The following MCM3AP variants were observed in gnomAD, a reference collection of about 807,000 sequenced individuals.
The protein encoded by MCM3AP is minichromosome maintenance complex component 3 associated protein.
MCM3AP carries 126 observed loss-of-function variants against 184.1 expected under a neutral mutation model. The ratio of observed to expected loss-of-function variants is 0.68; its 90% CI spans 0.59 to 0.79. The LOEUF (loss-of-function observed/expected upper bound fraction) is 0.79, where lower values mean the gene tolerates loss of function less well. Among genes scored for constraint, MCM3AP ranks in the 30% least tolerant of loss-of-function variants. The pLI, the probability that MCM3AP is intolerant of heterozygous loss-of-function variation, is 0.00. For missense variants in MCM3AP, 2,496 were observed against 2,479.2 expected (o/e 1.01, Z -0.14); for synonymous variants, 1,002 against 979.3 (o/e 1.02, Z -0.43).
chr21:46,271,250 C>G (rs2081174879), intron 8 of MCM3AP, among the ~76,000 whole-genome samples: 1 of 151,876 alleles, frequency 6.6e-6, no homozygotes, highest in African/African-American at 2.4e-5. Flanking sequence ...CAGCTTCAAC[C>G]TCCTGGCCTC....
At chr21:46,237,977 G>A (rs2080577667) in intron 26 of MCM3AP, among the ~76,000 whole-genome samples, 1 of 113,820 alleles carries the variant, frequency 8.8e-6, no homozygotes, top group Non-Finnish European at 1.8e-5. Flanking sequence ...ACACGTGCCT[G>A]TAATCCCAGC....
chr21:46,254,051 C>G, intron 19 of MCM3AP: 1 of 322,536 alleles, frequency 3.1e-6, no homozygotes, highest in Non-Finnish European at 5.8e-6. Flanking sequence ...TCCCCTTAGC[C>G]TTCCACCATG....
intron 17 of MCM3AP, 33 bp downstream of exon 17, chr21:46,256,756 G>A (rs986155007): frequency 1.0e-5 from 16 of 1,534,724 alleles, no homozygotes; most frequent in African/African-American, 1.4e-5. Flanking sequence ...GGGCAGGGGA[G>A]CCCTGACGAG....
rs779027521 is a variant in MCM3AP at position 46,240,927 on chromosome 21, A to G, written c.5517T>C (p.Cys1839=). Reference sequence around the variant, plus strand: ...TGCTGGGAATCCTCCCCTCTTGAGCACACTCTGTGCTCCTCTTCCAGTTAC... The same window carrying G: ...TGCTGGGAATCCTCCCCTCTTGAGCGCACTCTGTGCTCCTCTTCCAGTTAC... The part of the protein sequence containing the change: ...MHRNWKRSTE[C]AQEGRIPSTE... Residue 1839 remains cysteine, a synonymous_variant, in exon 26 of 28, where the codon TGT becomes TGC. Transcript: ENST00000291688. 13 of 1,614,212 alleles carry G rather than the reference A, an allele frequency of 8.1e-6. No homozygotes were observed. Among genetic ancestry groups the G allele is most frequent in the African/African-American group, 1.3e-5 (1 of 75,072 alleles).
intron 8 of MCM3AP, 113 bp from the exon 9 acceptor site, chr21:46,270,676 C>A (rs1392954580): frequency 2.1e-6 from 2 of 940,472 alleles, no homozygotes; most frequent in Non-Finnish European, 3.2e-6. Flanking sequence ...CAGTGGCTCA[C>A]ACCTGTAATC....
rs372854322 is a variant in MCM3AP at position 46,279,980 on chromosome 21, G to C, written c.1667+13C>G. 59 of 1,607,526 alleles carry C rather than the reference G, an allele frequency of 3.7e-5. No homozygotes were observed. The highest frequency in any genetic ancestry group is 4.9e-5 in the Non-Finnish European group (58 of 1,177,782). On this transcript the variant is annotated intron_variant, in intron 4 of 27. Transcript: ENST00000291688. ...CCTTCCGGAATAAGGTCATTAGGAG[G>C]GACCGATCCCACCTTTTATTCAGGA... is the stretch of plus-strand genomic sequence containing the variant.
At chr21:46,254,614 T>A (rs975639748) in intron 18 of MCM3AP, 88 bp from the exon 19 acceptor site, 1 of 1,539,454 alleles carries the variant, frequency 6.5e-7, no homozygotes, top group Admixed American at 1.8e-5. Flanking sequence ...AAGGGGCAGG[T>A]TGGAGGAAAA....
At chr21:46,271,344 T>TTA (rs35277551) in intron 8 of MCM3AP, among the ~76,000 whole-genome samples, 2 of 149,088 alleles carry the variant, frequency 1.3e-5, no homozygotes, top group Admixed American at 1.3e-4. Flanking sequence ...TTTTTTTTTT[T>TTA]AAGAGATAGG....
intron 1 of MCM3AP, 77 bp from the exon 2 acceptor site, chr21:46,283,915 G>A (rs1327049230): frequency 5.2e-6 from 8 of 1,549,922 alleles, no homozygotes; most frequent in East Asian, 2.2e-5. Context: ...TCGAAGCAGA[G>A]GAAATTTTCA....
intron 2 of MCM3AP, 27 bp downstream of exon 2, chr21:46,283,588 A>G: frequency 1.3e-6 from 2 of 1,517,932 alleles, no homozygotes; most frequent in Non-Finnish European, 1.8e-6. Flanking sequence ...AATCTAGGGT[A>G]ACAAATGGCA....
rs1301373767 is a variant in MCM3AP, at chr21:46,265,999, TGGGA to T, written c.2953_2956del (p.Ser985ArgfsTer35). 3 of 1,608,902 alleles carry T rather than the reference TGGGA, an allele frequency of 1.9e-6. No individual in the cohort carries two copies. In the Admixed American group the frequency reaches 5.0e-5, roughly 27 times the overall value. Reference sequence around the variant, plus strand: ...CAGGCTCTCCCCGATGTACTTGTTCTGGGAGTTGAAGCTGCACACAGGGGTATGA... The same window carrying T: ...CAGGCTCTCCCCGATGTACTTGTTCTGTTGAAGCTGCACACAGGGGTATGA... On this transcript the variant is annotated frameshift_variant, in exon 11 of 28. Transcript: ENST00000291688. LOFTEE classifies it high-confidence loss of function.
intron 2 of MCM3AP, among the ~76,000 whole-genome samples, chr21:46,283,334 G>A (rs1569083881): frequency 6.6e-6 from 1 of 152,180 alleles, no homozygotes; most frequent in African/African-American, 2.4e-5. Context: ...TATGTGGTTA[G>A]AGCCTTTCAG....
At chr21:46,244,581 G>GTCA (rs1486088262) in intron 23 of MCM3AP, 4 of 577,540 alleles carry the variant, frequency 6.9e-6, no homozygotes, top group Non-Finnish European at 1.2e-5. Flanking sequence ...TGCCTTGCTG[G>GTCA]TCAGGAAAGG....
intron 5 of MCM3AP, among the ~76,000 whole-genome samples, chr21:46,275,685 T>C (rs1213457942): frequency 1.3e-5 from 2 of 152,220 alleles, no homozygotes; most frequent in East Asian, 3.8e-4. Flanking sequence ...CTAACTCCTG[T>C]AATGACCTCA....
rs1311853800 is a variant in MCM3AP at position 46,270,491 on chromosome 21, T to C, written c.2538A>G (p.Ala846=). The change falls in exon 9 of 28, where the codon GCA becomes GCG. Residue 846 remains alanine (A), a synonymous_variant. Coordinates refer to ENST00000291688, the MANE Select transcript of MCM3AP (RefSeq NM_003906.5). ...ATCTCACAAAATTATTACTGTTCAATGCAGCAAAAGCCTGAACAGCAAATT... is the reference window on the plus strand; with the variant it reads ...ATCTCACAAAATTATTACTGTTCAACGCAGCAAAAGCCTGAACAGCAAATT... ...EVKFAVQAFA[A]LNSNNFVRFF... 1.5e-5 allele frequency: 25 copies of C among 1,613,884 alleles called. No individual in the cohort carries two copies. The highest frequency in any genetic ancestry group is 2.1e-5 in the Non-Finnish European group (25 of 1,179,818).
chr21:46,261,864 T>C (rs568440901), intron 13 of MCM3AP, among the ~76,000 whole-genome samples: 2 of 152,330 alleles, frequency 1.3e-5, no homozygotes, highest in African/African-American at 4.8e-5. Flanking sequence ...CTCAAACTTT[T>C]TGAGCACAAC....
At chr21:46,243,389 A>C in intron 24 of MCM3AP, 76 bp downstream of exon 24, 1 of 1,496,230 alleles carries the variant, frequency 6.7e-7, no homozygotes, top group Non-Finnish European at 9.0e-7. Context: ...AACATCAACT[A>C]AACATCTTCC....
In MCM3AP at chr21:46,284,765, C is replaced by T. The variant is rs190955320; in HGVS notation, c.522G>A (p.Gly174=). 6.2e-7 allele frequency: 1 copy of T among 1,613,772 alleles called. No homozygotes were observed. The highest frequency in any genetic ancestry group is 1.7e-5 in the Admixed American group (1 of 59,942). ...PEKTQSQIAS[G]FFTFSHPISS... is the part of the protein sequence containing the mutation. Reference sequence around the variant, plus strand: ...TAATTGGGTGGGAAAATGTAAAAAACCCAGAAGCAATTTGGCTCTGGGTTT... The same window carrying T: ...TAATTGGGTGGGAAAATGTAAAAAATCCAGAAGCAATTTGGCTCTGGGTTT... The change falls in exon 1 of 28, where the codon GGG becomes GGA. Residue 174 remains glycine (G), a synonymous_variant. Coordinates refer to ENST00000291688, the MANE Select transcript of MCM3AP (RefSeq NM_003906.5).
rs370508971 is a variant in MCM3AP at position 46,246,559 on chromosome 21, C to T, written c.4549+69G>A. 22 of 1,588,014 alleles carry T rather than the reference C, an allele frequency of 1.4e-5. No individual in the cohort carries two copies. The African/African-American group carries it at 1.5e-4, about 11-fold the overall frequency. Reference sequence around the variant, plus strand: ...CCTGACCCCAACACTACTGGACCATCCTCAGACCCAGGGCCTCCACCCATT... The same window carrying T: ...CCTGACCCCAACACTACTGGACCATTCTCAGACCCAGGGCCTCCACCCATT... On this transcript the variant is annotated intron_variant, in intron 21 of 27. Transcript: ENST00000291688.
Sources: allele counts gnomAD v4.1 joint callset (sites outside exome capture counted in the v4.1 genomes callset), GRCh38; gene constraint gnomAD v4.1.1; transcripts MANE v1.5; gene names NCBI Gene and HGNC (gene_info 2026-07-23, HGNC 2026-07-21).